Variants in PRELID2 observed in about 807,000 individuals in gnomAD.
PRELID2 encodes the protein PRELI domain containing 2.
PRELID2 carries 25 observed loss-of-function variants against 28.4 expected under a neutral mutation model. That is an observed-to-expected ratio of 0.88 (90% CI 0.64 to 1.23). PRELID2 has a LOEUF of 1.23. PRELID2 is among the 50% of genes most tolerant of loss of function. PRELID2 has a pLI of 0.00. For missense variants in PRELID2, 201 were observed against 214.4 expected, an observed-to-expected ratio of 0.94 and a Z score of 0.39; for synonymous variants, 76 against 71.6, an observed-to-expected ratio of 1.06 and a Z score of -0.31.
chr5:145,262,907 A>G, the PRELID2 span, among the ~76,000 whole-genome samples: 6 of 152,210 alleles, frequency 3.9e-5, no homozygotes, highest in Non-Finnish European at 8.8e-5. Context: ...CATAATGCAT[A>G]AAAACCACTA....
At chr5:145,270,108 G>A in the PRELID2 span, among the ~76,000 whole-genome samples, 1 of 151,612 alleles carries the variant, frequency 6.6e-6, no homozygotes, top group African/African-American at 2.4e-5. Flanking sequence ...AGGATGTGGA[G>A]CAACCACATC....
chr5:145,240,723 C>T, the PRELID2 span, among the ~76,000 whole-genome samples: 3 of 151,980 alleles, frequency 2.0e-5, no homozygotes, highest in East Asian at 1.9e-4. Context: ...GCTCCTGTTG[C>T]TTATGACTGA....
chr5:145,587,027 A>T (rs1361067540), intron 1 of PRELID2, among the ~76,000 whole-genome samples: 1 of 152,102 alleles, frequency 6.6e-6, no homozygotes, highest in African/African-American at 2.4e-5. Flanking sequence ...TAAAGGCCAA[A>T]TATGCCAAGA....
At chr5:145,594,494 A>C (rs1753274736) in intron 1 of PRELID2, among the ~76,000 whole-genome samples, 2 of 152,154 alleles carry the variant, frequency 1.3e-5, no homozygotes, top group African/African-American at 4.8e-5. Context: ...AATTACGCTC[A>C]CTTCAAAAAA....
At chr5:145,731,794 G>C (rs1756354361) in intron 1 of PRELID2, among the ~76,000 whole-genome samples, 1 of 152,182 alleles carries the variant, frequency 6.6e-6, no homozygotes. Flanking sequence ...GACCAGAATA[G>C]AGGACTTCAT....
chr5:145,286,600 T>C, the PRELID2 span, among the ~76,000 whole-genome samples: 1 of 152,170 alleles, frequency 6.6e-6, no homozygotes, highest in Non-Finnish European at 1.5e-5. Flanking sequence ...GAAGCACTCT[T>C]TTTCATCAGT....
intron 1 of PRELID2, among the ~76,000 whole-genome samples, chr5:145,557,454 T>C (rs1481794040): frequency 6.6e-6 from 1 of 152,128 alleles, no homozygotes; most frequent in African/African-American, 2.4e-5. Context: ...ATCTGGATCA[T>C]GAGCCAGAGC....
downstream of PRELID2, among the ~76,000 whole-genome samples, chr5:145,752,978 T>G (rs184913802): frequency 4.0e-3 from 610 of 152,344 alleles, 7 homozygotes; most frequent in Admixed American, 3.8e-3. Flanking sequence ...TTTTAAAGTT[T>G]AAACAATTGA....
chr5:145,354,079 A>G, the PRELID2 span, among the ~76,000 whole-genome samples: 1 of 152,168 alleles, frequency 6.6e-6, no homozygotes, highest in Non-Finnish European at 1.5e-5. Flanking sequence ...TGTCATTTAG[A>G]TAGTACTTTG....
intron 1 of PRELID2, among the ~76,000 whole-genome samples, chr5:145,481,252 T>G (rs955333381): frequency 5.3e-5 from 8 of 152,116 alleles, no homozygotes; most frequent in African/African-American, 9.7e-5. Context: ...CTTTGGTTTA[T>G]TTGGTTTGTT....
chr5:145,245,117 C>G, the PRELID2 span, among the ~76,000 whole-genome samples: 1 of 151,898 alleles, frequency 6.6e-6, no homozygotes, highest in African/African-American at 2.4e-5. Flanking sequence ...TTTCTTTAAC[C>G]CACTACAAAA....
intron 5 of PRELID2, among the ~76,000 whole-genome samples, chr5:145,788,566 C>A (rs1752153778): frequency 6.6e-6 from 1 of 152,122 alleles, no homozygotes; most frequent in South Asian, 2.1e-4. Flanking sequence ...AAATGGTATA[C>A]CCCATTGCTG....
the PRELID2 span, among the ~76,000 whole-genome samples, chr5:145,337,645 G>T: frequency 3.8e-5 from 5 of 131,414 alleles, no homozygotes. Flanking sequence ...CTATTTCAAA[G>T]GATACAGATG....
the PRELID2 span, among the ~76,000 whole-genome samples, chr5:145,325,177 C>T: frequency 2.0e-5 from 3 of 152,166 alleles, no homozygotes; most frequent in African/African-American, 7.2e-5. Context: ...AAAATCAAAA[C>T]CATCTTTTTC....
the PRELID2 span, among the ~76,000 whole-genome samples, chr5:145,371,899 A>C: frequency 6.7e-6 from 1 of 149,900 alleles, no homozygotes; most frequent in Non-Finnish European, 1.5e-5. Flanking sequence ...AAAAAAAAAA[A>C]ACAGCTCCTG....
intron 4 of PRELID2, among the ~76,000 whole-genome samples, chr5:145,798,067 A>G (rs2149820812): frequency 6.6e-6 from 1 of 152,078 alleles, no homozygotes; most frequent in African/African-American, 2.4e-5. Context: ...GAAGAATACA[A>G]TAATGGAACT....
chr5:145,299,626 T>C, the PRELID2 span, among the ~76,000 whole-genome samples: 81 of 142,616 alleles, frequency 5.7e-4, 1 homozygote, highest in South Asian at 0.017. Context: ...CTGAGACCAC[T>C]ACATATATAT....
At chr5:145,391,368 A>G in the PRELID2 span, among the ~76,000 whole-genome samples, 2 of 152,338 alleles carry the variant, frequency 1.3e-5, no homozygotes, top group Admixed American at 6.5e-5. Flanking sequence ...CTCTGAAGCA[A>G]TGGCCTGAGC....
the PRELID2 span, among the ~76,000 whole-genome samples, chr5:145,398,745 C>T: frequency 3.8e-4 from 58 of 151,828 alleles, no homozygotes; most frequent in Non-Finnish European, 7.4e-4. Flanking sequence ...AAAGAGTAAA[C>T]GAGGACATTT....
Sources: gnomAD v4.1 joint callset for allele counts (sites outside exome capture counted in the v4.1 genomes callset) on GRCh38, gnomAD v4.1.1 for gene constraint, MANE v1.5 for transcripts, NCBI Gene and HGNC (gene_info 2026-07-23, HGNC 2026-07-21) for gene names.